GSE1: variants seen among roughly 807,000 people sequenced by gnomAD.
GSE1 encodes Gse1 coiled-coil protein, also known as genetic suppressor element 1.
Under a neutral mutation model 112.6 loss-of-function variants are expected in GSE1, and 32 were observed. The ratio of observed to expected loss-of-function variants is 0.28; its 90% CI spans 0.21 to 0.38. The LOEUF is 0.38. GSE1 is among the 10% of genes least tolerant of loss of function. The pLI is 1.00. For synonymous variants in GSE1, 1,115 were observed against 735.6 expected (o/e 1.52, Z -8.35); for missense variants, 2,348 against 1,699.2 (o/e 1.38, Z -6.71).
intron 1 of GSE1, among the ~76,000 whole-genome samples, chr16:85,179,838 G>A (rs1010065942): frequency 6.6e-6 from 1 of 152,222 alleles, no homozygotes; most frequent in African/African-American, 2.4e-5. Flanking sequence ...GGCATCAGAA[G>A]CCTTGGGTTA....
chr16:85,329,196 T>C (rs1455469428), intron 1 of GSE1, among the ~76,000 whole-genome samples: 1 of 152,174 alleles, frequency 6.6e-6, no homozygotes, highest in East Asian at 1.9e-4. Context: ...CATCGCCCTT[T>C]AGGAGCTAGC....
intron 12 of GSE1, among the ~76,000 whole-genome samples, chr16:85,665,615 G>T (rs2052783864): frequency 1.3e-5 from 2 of 152,280 alleles, no homozygotes; most frequent in African/African-American, 4.8e-5. Context: ...GCTGGCCTCT[G>T]CCCTGTCAGA....
At chr16:85,485,009 G>A (rs968154871) in intron 2 of GSE1, among the ~76,000 whole-genome samples, 9 of 152,206 alleles carry the variant, frequency 5.9e-5, no homozygotes, top group African/African-American at 2.2e-4. Context: ...TCCTAGGCCC[G>A]GGGCCAGGCC....
At chr16:85,509,828 A>G (rs1214020345) in intron 2 of GSE1, among the ~76,000 whole-genome samples, 3 of 146,804 alleles carry the variant, frequency 2.0e-5, no homozygotes, top group South Asian at 4.2e-4. Context: ...GACTGCAGGA[A>G]CCTTGGAGGT....
intron 1 of GSE1, among the ~76,000 whole-genome samples, chr16:85,339,478 C>T (rs552420241): frequency 5.9e-5 from 9 of 152,194 alleles, no homozygotes; most frequent in Non-Finnish European, 1.2e-4. Context: ...TCCTTTTCCC[C>T]TTTCCACCCC....
intron 3 of GSE1, among the ~76,000 whole-genome samples, chr16:85,649,629 C>G: frequency 7.0e-6 from 1 of 143,404 alleles, no homozygotes; most frequent in Non-Finnish European, 1.6e-5. Context: ...ACCTGCAGCT[C>G]TCCCGGCCCC....
intron 13 of GSE1, among the ~76,000 whole-genome samples, chr16:85,667,288 A>G (rs1598703566): frequency 6.6e-6 from 1 of 151,192 alleles, no homozygotes; most frequent in Non-Finnish European, 1.5e-5. Context: ...GATTTTAGTC[A>G]CTCTGCCATA....
At chr16:85,402,669 C>T (rs774880125) in intron 2 of GSE1, among the ~76,000 whole-genome samples, 1 of 152,198 alleles carries the variant, frequency 6.6e-6, no homozygotes, top group Admixed American at 6.5e-5. Context: ...CACCTGTAAT[C>T]CTAGCATTTC....
At chr16:85,294,104 TC>T (rs1055706323) in intron 1 of GSE1, among the ~76,000 whole-genome samples, 1 of 152,112 alleles carries the variant, frequency 6.6e-6, no homozygotes, top group Non-Finnish European at 1.5e-5. Context: ...ATAGCCTGGC[TC>T]CCCGCAACAG....
chr16:85,660,257 C>T (rs572728061), intron 8 of GSE1, among the ~76,000 whole-genome samples: 13 of 152,318 alleles, frequency 8.5e-5, no homozygotes, highest in African/African-American at 2.9e-4. Context: ...TGGATCTGTC[C>T]CAGGCCTGAG....
In GSE1 at chr16:85,281,013, A is replaced by G. The variant is rs552367444; in HGVS notation, c.2284-76450A>G. Among the ~76,000 whole-genome samples, 5 of 152,190 alleles carry G rather than the reference A, an allele frequency of 3.3e-5. No individual in the cohort carries two copies. In the South Asian group the frequency reaches 8.3e-4, roughly 25 times the overall value. ...CGGTCAGAGCTGCCTCTGCCGCCCC[A>G]TGTCTCTGATGGGTTGCGGGGAAGT... On this transcript the variant is annotated intron_variant, in intron 1 of 2. Transcript: ENST00000637419.
At chr16:85,658,969 G>A (rs900521757) in intron 8 of GSE1, among the ~76,000 whole-genome samples, 2 of 152,224 alleles carry the variant, frequency 1.3e-5, no homozygotes, top group Non-Finnish European at 1.5e-5. Context: ...GGCTGCACAC[G>A]TGGCCTTACA....
At chr16:85,565,146 C>T (rs1182652099) in intron 1 of GSE1, among the ~76,000 whole-genome samples, 1 of 152,138 alleles carries the variant, frequency 6.6e-6, no homozygotes, top group Non-Finnish European at 1.5e-5. Flanking sequence ...TATCCCAGCA[C>T]TTTGGGAACC....
intron 1 of GSE1, among the ~76,000 whole-genome samples, chr16:85,305,182 G>C (rs530686856): frequency 1.3e-5 from 2 of 152,206 alleles, no homozygotes; most frequent in Non-Finnish European, 2.9e-5. Flanking sequence ...GGGTCTACAC[G>C]TGAGAATCAC....
intron 1 of GSE1, among the ~76,000 whole-genome samples, chr16:85,247,322 C>T (rs1905967261): frequency 6.6e-6 from 1 of 152,118 alleles, no homozygotes; most frequent in Non-Finnish European, 1.5e-5. Flanking sequence ...ACATAATTGT[C>T]CATTGGACAT....
chr16:85,263,327 G>A (rs1907907372), intron 1 of GSE1, among the ~76,000 whole-genome samples: 2 of 152,102 alleles, frequency 1.3e-5, no homozygotes, highest in African/African-American at 2.4e-5. Context: ...TTGTGACGCT[G>A]GAGTGTGCAT....
At chr16:85,176,969 G>T (rs1262635422) in intron 1 of GSE1, among the ~76,000 whole-genome samples, 1 of 152,220 alleles carries the variant, frequency 6.6e-6, no homozygotes, top group East Asian at 1.9e-4. Context: ...GGACCTTCTG[G>T]AAGGTGCCAC....
intron 2 of GSE1, among the ~76,000 whole-genome samples, chr16:85,409,170 T>A (rs77481799): frequency 6.3e-5 from 1 of 15,996 alleles, no homozygotes; most frequent in Non-Finnish European, 1.1e-4. Context: ...TCACCGTTAC[T>A]CTCAGGCGCC....
chr16:85,306,639 C>G (rs1012878186), intron 1 of GSE1, among the ~76,000 whole-genome samples: 2 of 152,182 alleles, frequency 1.3e-5, no homozygotes, highest in African/African-American at 2.4e-5. Flanking sequence ...GCCTCATCCT[C>G]CTGGGTTCAA....
Sources: gnomAD v4.1 joint callset for allele counts (sites outside exome capture counted in the v4.1 genomes callset) on GRCh38, gnomAD v4.1.1 for gene constraint, MANE v1.5 for transcripts, NCBI Gene and HGNC (gene_info 2026-07-23, HGNC 2026-07-21) for gene names.